Variants in HDAC4 observed in about 807,000 individuals in gnomAD.
HDAC4 encodes histone deacetylase 4.
HDAC4 carries 16 observed loss-of-function variants against 135.1 expected under a neutral mutation model. The observed-to-expected ratio is 0.12, with a 90% CI of 0.08 to 0.18. The LOEUF (loss-of-function observed/expected upper bound fraction) is 0.18, where lower values mean the gene tolerates loss of function less well. HDAC4 is among the 10% of genes least tolerant of loss of function. The pLI is 1.00. For synonymous variants in HDAC4, 685 were observed against 653.4 expected, an observed-to-expected ratio of 1.05 and a Z score of -0.74; for missense variants, 1,143 against 1,511.8, an observed-to-expected ratio of 0.76 and a Z score of 4.05.
Position 239,063,367 on chromosome 2 carries a change from A to AT in HDAC4, c.3003+3354dup, listed in dbSNP as rs373851311. Among the ~76,000 whole-genome samples, 580 of 148,652 alleles carry AT rather than the reference A, an allele frequency of 3.9e-3. 2 individuals are homozygous for AT. Among genetic ancestry groups the AT allele is most frequent in the African/African-American group, 8.9e-3 (361 of 40,566 alleles). On this transcript the variant is annotated intron_variant, in intron 24 of 26. Coordinates refer to ENST00000543185, the MANE Select transcript of HDAC4 (RefSeq NM_001378414.1). ...AGGCGCCCGCCACTGCCCCCGACTA[A>AT]TTTTTTTTTTGTATTTTTAGTAGAG... is the stretch of plus-strand genomic sequence containing the variant.
intron 5 of HDAC4, among the ~76,000 whole-genome samples, chr2:239,174,264 C>T (rs2043619329): frequency 6.6e-6 from 1 of 152,138 alleles, no homozygotes; most frequent in African/African-American, 2.4e-5. Flanking sequence ...AAGAGATTTA[C>T]AGCATGTACA....
intron 2 of HDAC4, among the ~76,000 whole-genome samples, chr2:239,242,410 C>T (rs1426498864): frequency 6.6e-6 from 1 of 152,190 alleles, no homozygotes; most frequent in Non-Finnish European, 1.5e-5. Context: ...CGGTCTTGAA[C>T]ATCTTTAGAT....
chr2:239,294,389 A>G (rs1317060794), intron 2 of HDAC4, among the ~76,000 whole-genome samples: 4 of 152,194 alleles, frequency 2.6e-5, no homozygotes, highest in Non-Finnish European at 5.9e-5. Context: ...AGCTGTGGAT[A>G]GGCTGATAGG....
intron 17 of HDAC4, among the ~76,000 whole-genome samples, chr2:239,092,761 G>C (rs573583186): frequency 6.6e-6 from 1 of 152,096 alleles, no homozygotes. Context: ...GGCGTGCAGC[G>C]CCACCACTGA....
chr2:239,386,756 G>T (rs142232259), intron 1 of HDAC4, among the ~76,000 whole-genome samples: 1 of 152,212 alleles, frequency 6.6e-6, no homozygotes, highest in Non-Finnish European at 1.5e-5. Context: ...ACTTCTGCTC[G>T]TAACAAGGCT....
At chr2:239,353,663 A>T (rs1693307442) in intron 1 of HDAC4, among the ~76,000 whole-genome samples, 1 of 152,220 alleles carries the variant, frequency 6.6e-6, no homozygotes, top group Non-Finnish European at 1.5e-5. Context: ...TATCTGATCT[A>T]GAGACACCTT....
chr2:239,264,345 G>A (rs965528277), intron 2 of HDAC4, among the ~76,000 whole-genome samples: 2 of 152,252 alleles, frequency 1.3e-5, no homozygotes, highest in Non-Finnish European at 2.9e-5. Flanking sequence ...TCACATTTGT[G>A]AGTGTGGCAA....
Position 239,108,144 on chromosome 2 carries a change from G to A in HDAC4, c.2018C>T (p.Thr673Ile). 1 of 1,606,608 alleles carries A rather than the reference G, an allele frequency of 6.2e-7. No individual in the cohort carries two copies. The highest frequency in any genetic ancestry group is 8.5e-7 in the Non-Finnish European group (1 of 1,177,754). The part of the protein sequence containing the change: ...YDTLMLKHQC[T>I]CGSSSSHPEH... ...GGGGTGGCTGCTGCTACTCCCGCAG[G>A]TGCACTGGTGCTTCAGCATCAGCGT... The change falls in exon 15 of 27, where the codon ACC (threonine) becomes ATC (isoleucine). Residue 673 changes from threonine (T) to isoleucine (I), a missense_variant. Transcript: ENST00000543185.
At chr2:239,393,121 C>T (rs568823473) in intron 1 of HDAC4, among the ~76,000 whole-genome samples, 9 of 152,304 alleles carry the variant, frequency 5.9e-5, no homozygotes, top group East Asian at 1.9e-4. Context: ...GGACCCCCGG[C>T]GTGTGAGCCA....
intron 2 of HDAC4, among the ~76,000 whole-genome samples, chr2:239,291,779 AAAG>A (rs1220414899): frequency 9.2e-5 from 14 of 152,346 alleles, no homozygotes; most frequent in South Asian, 2.1e-4. Context: ...CAGATATCAT[AAAG>A]AAGATTTCCA....
At chr2:239,131,896 A>G (rs972858418) in intron 11 of HDAC4, among the ~76,000 whole-genome samples, 1 of 152,216 alleles carries the variant, frequency 6.6e-6, no homozygotes, top group African/African-American at 2.4e-5. Context: ...TGCTCTAGAC[A>G]GCGTGGGGGC....
intron 1 of HDAC4, among the ~76,000 whole-genome samples, chr2:239,369,319 A>G (rs1344560363): frequency 6.6e-6 from 1 of 152,054 alleles, no homozygotes; most frequent in Non-Finnish European, 1.5e-5. Context: ...CTACGGTTGG[A>G]GCTCACACCT....
At chr2:239,160,918 C>A (rs149701799) in intron 6 of HDAC4, among the ~76,000 whole-genome samples, 1 of 152,246 alleles carries the variant, frequency 6.6e-6, no homozygotes, top group Non-Finnish European at 1.5e-5. Flanking sequence ...TTCCAACAGG[C>A]AGCACACAGA....
intron 2 of HDAC4, among the ~76,000 whole-genome samples, chr2:239,326,335 T>C (rs1355426258): frequency 6.6e-6 from 1 of 152,122 alleles, no homozygotes; most frequent in Non-Finnish European, 1.5e-5. Flanking sequence ...GAAAGCAGAA[T>C]GGTGAATGGT....
intron 19 of HDAC4, among the ~76,000 whole-genome samples, chr2:239,085,161 C>A (rs2152701896): frequency 6.6e-6 from 1 of 152,156 alleles, no homozygotes; most frequent in South Asian, 2.1e-4. Flanking sequence ...ACCTGGAACC[C>A]TTCCTCTCAG....
At chr2:239,340,262 T>C (rs1692218528) in intron 2 of HDAC4, among the ~76,000 whole-genome samples, 1 of 152,134 alleles carries the variant, frequency 6.6e-6, no homozygotes, top group South Asian at 2.1e-4. Flanking sequence ...CCACCCGTCT[T>C]CCTGAACCAT....
intron 2 of HDAC4, among the ~76,000 whole-genome samples, chr2:239,271,551 G>C: frequency 6.6e-6 from 1 of 152,250 alleles, no homozygotes; most frequent in South Asian, 2.1e-4. Flanking sequence ...GACTATGAGA[G>C]CCGATTCTGC....
intron 1 of HDAC4, among the ~76,000 whole-genome samples, chr2:239,370,311 C>A (rs1694514313): frequency 6.6e-6 from 1 of 152,184 alleles, no homozygotes; most frequent in South Asian, 2.1e-4. Flanking sequence ...CTCCCTCGAT[C>A]CCACTGAAAG....
intron 2 of HDAC4, among the ~76,000 whole-genome samples, chr2:239,253,177 G>A (rs576201401): frequency 2.6e-5 from 4 of 152,346 alleles, no homozygotes; most frequent in African/African-American, 9.6e-5. Context: ...GATAAATCTT[G>A]TACCACTGCG....
Sources: allele counts gnomAD v4.1 joint callset (sites outside exome capture counted in the v4.1 genomes callset), GRCh38; gene constraint gnomAD v4.1.1; transcripts MANE v1.5; gene names NCBI Gene and HGNC (gene_info 2026-07-23, HGNC 2026-07-21).